The following DAPK1 variants were observed in gnomAD, a reference collection of about 807,000 sequenced individuals.
DAPK1 encodes death-associated protein kinase 1.
DAPK1 carries 56 observed loss-of-function variants against 144.9 expected under a neutral mutation model. The observed-to-expected ratio is 0.39, with a 90% CI of 0.31 to 0.48. DAPK1 has a LOEUF of 0.48. Ranked by LOEUF, DAPK1 falls within the 20% of genes least tolerant of loss-of-function variation. The probability of loss-of-function intolerance (pLI) is 0.95; values close to 1 mark genes in which losing one functional copy is unlikely to be tolerated. For synonymous variants in DAPK1, 690 were observed against 749.0 expected (o/e 0.92, Z 1.29); for missense variants, 1,454 against 1,875.4 (o/e 0.78, Z 4.15).
Position 87,498,988 on chromosome 9 carries a change from G to T in DAPK1, c.-90G>T, listed in dbSNP as rs1475423451. On this transcript the variant is annotated 5_prime_UTR_variant, in exon 2 of 26. It removes an upstream start codon present in the reference 5' UTR. Coordinates refer to ENST00000408954, the MANE Select transcript of DAPK1 (RefSeq NM_004938.4). ...TCAAAAGGACTGGAGACTGATGCATGAGGGGGCTACGGAGGCGCAGGAGCG... is the reference window on the plus strand; with the variant it reads ...TCAAAAGGACTGGAGACTGATGCATTAGGGGGCTACGGAGGCGCAGGAGCG... The T allele has an allele frequency of 1.0e-6, 1 of 992,898 alleles. No homozygotes were observed. The highest frequency in any genetic ancestry group is 1.6e-6 in the Non-Finnish European group (1 of 620,314). The allele number at this position is 992,898 out of a possible 1,614,324, so 61.5% of individuals were successfully genotyped here. A position where few individuals can be genotyped will look rare whatever the true frequency, so the allele number is the denominator to read the frequency against.
In DAPK1 at chr9:87,701,718, GTATT is replaced by G; in HGVS notation, c.2872-1309_2872-1306del. 4.8e-5 allele frequency: 14 copies of G among 292,834 alleles called. 1 individual carries two copies. The highest frequency in any genetic ancestry group is 8.1e-5 in the South Asian group (3 of 36,834). 18.1% of individuals were successfully genotyped at this position (292,834 alleles called of 1,614,324 possible). ...CTTACCTTTGAAGCTGCCTCTGGGT[GTATT>G]TTTTTTTTTTTTTTTTAACTGCTTT... On this transcript the variant is annotated intron_variant, in intron 24 of 25. Coordinates refer to ENST00000408954, the MANE Select transcript of DAPK1 (RefSeq NM_004938.4).
intron 2 of DAPK1, among the ~76,000 whole-genome samples, chr9:87,530,965 G>A (rs894165709): frequency 3.9e-5 from 6 of 152,276 alleles, no homozygotes; most frequent in African/African-American, 1.2e-4. Flanking sequence ...GCTGTGAGCC[G>A]AGCATTAGCG....
intron 2 of DAPK1, among the ~76,000 whole-genome samples, chr9:87,539,872 G>C (rs138297098): frequency 2.0e-5 from 3 of 152,114 alleles, no homozygotes; most frequent in Non-Finnish European, 4.4e-5. Flanking sequence ...AGCCCTCTGC[G>C]TATCAATAAT....
intron 16 of DAPK1, chr9:87,650,465 A>G: frequency 3.9e-6 from 1 of 255,886 alleles, no homozygotes; most frequent in Non-Finnish European, 7.6e-6. Context: ...TTTTTAGATA[A>G]ACAAAGAAAT....
chr9:87,575,496 G>A (rs75674985), intron 2 of DAPK1, among the ~76,000 whole-genome samples: 2,140 of 152,208 alleles, frequency 0.014, 16 homozygotes, highest in Middle Eastern at 0.058. Flanking sequence ...CTTAAGGAGC[G>A]TGTGGTTTCT....
At position 87,650,037 on chromosome 9, in the gene DAPK1, C is replaced by T; in HGVS notation, c.1545C>T (p.Leu515=). ...NIKNREGETP[L]LTASARGYHD... Reference sequence around the variant, plus strand: ...AGAACCGAGAAGGAGAGACGCCCCTCCTGACAGCCTCTGCCAGGGGCTACC... The same window carrying T: ...AGAACCGAGAAGGAGAGACGCCCCTTCTGACAGCCTCTGCCAGGGGCTACC... Residue 515 remains leucine, a synonymous_variant, in exon 16 of 26, where the codon CTC becomes CTT. Transcript: ENST00000408954. 1.2e-6 allele frequency: 2 copies of T among 1,614,166 alleles called. No individual in the cohort carries two copies. Among genetic ancestry groups the T allele is most frequent in the Non-Finnish European group, 1.7e-6 (2 of 1,180,034 alleles).
chr9:87,498,028 C>T lies in DAPK1; in HGVS notation c.-188C>T, dbSNP rs1824242226. The T allele has an allele frequency of 7.5e-6, 3 of 397,864 alleles. No individual in the cohort carries two copies. The highest frequency in any genetic ancestry group is 1.3e-5 in the Non-Finnish European group (3 of 225,690). The allele number at this position is 397,864 out of a possible 1,614,324, so 24.6% of individuals were successfully genotyped here. A position where few individuals can be genotyped will look rare whatever the true frequency, so the allele number is the denominator to read the frequency against. ...CCTAGCTGTGTTCCCGCCGCCGCCC[C>T]GGCTAGTCTCCGGCGCTGGCGCCTA... On this transcript the variant is annotated 5_prime_UTR_variant, in exon 1 of 26. Coordinates refer to ENST00000408954, the MANE Select transcript of DAPK1 (RefSeq NM_004938.4).
At chr9:87,621,629 G>T (rs78704872) in intron 3 of DAPK1, among the ~76,000 whole-genome samples, 270 of 152,298 alleles carry the variant, frequency 1.8e-3, no homozygotes, top group African/African-American at 6.1e-3. Context: ...GTGGTCTGCA[G>T]TTCTTTGGAT....
At chr9:87,602,178 G>A (rs1349042641) in intron 2 of DAPK1, among the ~76,000 whole-genome samples, 1 of 152,148 alleles carries the variant, frequency 6.6e-6, no homozygotes, top group Non-Finnish European at 1.5e-5. Context: ...TAAAAGAGGT[G>A]ACATTGCAGT....
intron 2 of DAPK1, among the ~76,000 whole-genome samples, chr9:87,599,593 T>A (rs1181650872): frequency 6.6e-6 from 1 of 152,242 alleles, no homozygotes; most frequent in African/African-American, 2.4e-5. Context: ...CCATGAGTAG[T>A]TAATAAATGT....
At chr9:87,646,161 T>A in intron 12 of DAPK1, 147 bp downstream of exon 12, 1 of 1,002,134 alleles carries the variant, frequency 1.0e-6, no homozygotes, top group Non-Finnish European at 1.4e-6. Context: ...GTTTAGAAAG[T>A]GATTTGAGTT....
intron 2 of DAPK1, among the ~76,000 whole-genome samples, chr9:87,509,258 G>A (rs1434370444): frequency 6.6e-6 from 1 of 152,172 alleles, no homozygotes; most frequent in Non-Finnish European, 1.5e-5. Flanking sequence ...GCTGTCCTTA[G>A]GAATTTGGTA....
At chr9:87,656,016 A>T (rs1830616196) in intron 17 of DAPK1, among the ~76,000 whole-genome samples, 2 of 152,260 alleles carry the variant, frequency 1.3e-5, no homozygotes, top group Admixed American at 1.3e-4. Flanking sequence ...CAGATGTAGC[A>T]GCATCTCATG....
intron 2 of DAPK1, among the ~76,000 whole-genome samples, chr9:87,519,880 A>G (rs935691849): frequency 3.3e-5 from 5 of 152,130 alleles, no homozygotes; most frequent in African/African-American, 1.2e-4. Flanking sequence ...CCGAGAGGAC[A>G]TACCTGCTCT....
chr9:87,537,144 G>A (rs952251683), intron 2 of DAPK1, among the ~76,000 whole-genome samples: 2 of 151,944 alleles, frequency 1.3e-5, no homozygotes, highest in East Asian at 3.9e-4. Flanking sequence ...CTGCCACCAC[G>A]CCTGGCTAAT....
chr9:87,696,240 G>T (rs1399585978), intron 21 of DAPK1, among the ~76,000 whole-genome samples: 1 of 152,076 alleles, frequency 6.6e-6, no homozygotes, highest in Non-Finnish European at 1.5e-5. Flanking sequence ...TTGTGTGTGT[G>T]TAGCACTCCA....
chr9:87,553,241 T>TG (rs1826563601), intron 2 of DAPK1, among the ~76,000 whole-genome samples: 1 of 139,352 alleles, frequency 7.2e-6, no homozygotes. Flanking sequence ...GTGTCTGTCA[T>TG]GTGGGGGGGG....
At chr9:87,627,914 C>T (rs973597846) in intron 3 of DAPK1, among the ~76,000 whole-genome samples, 3 of 152,218 alleles carry the variant, frequency 2.0e-5, no homozygotes, top group Non-Finnish European at 4.4e-5. Context: ...GCCATGTTCT[C>T]TTCATCAATC....
chr9:87,605,042 T>A lies in DAPK1; in HGVS notation c.151T>A (p.Ser51Thr). 12 of 1,614,170 alleles carry A rather than the reference T, an allele frequency of 7.4e-6. No individual in the cohort carries two copies. The Middle Eastern group carries it at 2.0e-3, about 266-fold the overall frequency. ...AKFIKKRRTK[S>T]SRRGVSREDI... ...ATTCATCAAGAAAAGGAGGACTAAG[T>A]CCAGCCGGCGGGGTGTGAGCCGCGA... Residue 51 changes from serine to threonine, a missense_variant, in exon 3 of 26, where the codon TCC (serine) becomes ACC (threonine). Coordinates refer to ENST00000408954, the MANE Select transcript of DAPK1 (RefSeq NM_004938.4).
Sources: gnomAD v4.1 joint callset for allele counts (sites outside exome capture counted in the v4.1 genomes callset) on GRCh38, gnomAD v4.1.1 for gene constraint, MANE v1.5 for transcripts, NCBI Gene and HGNC (gene_info 2026-07-23, HGNC 2026-07-21) for gene names.